ANK3: variants seen among roughly 807,000 people sequenced by gnomAD.
The protein encoded by ANK3 is ankyrin-3.
Under a neutral mutation model 370.9 loss-of-function variants are expected in ANK3, and 57 were observed. The ratio of observed to expected loss-of-function variants is 0.15; its 90% CI spans 0.12 to 0.19. The LOEUF is 0.19. Ranked by LOEUF, ANK3 falls within the 10% of genes least tolerant of loss-of-function variation. The pLI, the probability that ANK3 is intolerant of heterozygous loss-of-function variation, is 1.00. For missense variants in ANK3, 4,439 were observed against 5,302.1 expected (o/e 0.84, Z 5.06); for synonymous variants, 1,929 against 1,946.3 (o/e 0.99, Z 0.23).
intron 1 of ANK3, among the ~76,000 whole-genome samples, chr10:60,628,299 T>C (rs1273515969): frequency 2.0e-5 from 3 of 152,186 alleles, no homozygotes; most frequent in Admixed American, 1.3e-4. Flanking sequence ...CTGAAGCTAC[T>C]CTTTGCTAAA....
intron 7 of ANK3, among the ~76,000 whole-genome samples, chr10:60,248,949 A>T (rs1025256193): frequency 6.6e-6 from 1 of 152,236 alleles, no homozygotes; most frequent in Non-Finnish European, 1.5e-5. Context: ...AACAATTTCC[A>T]GCCAAAAGGA....
chr10:60,425,812 C>G (rs897367545), intron 2 of ANK3, among the ~76,000 whole-genome samples: 1 of 152,010 alleles, frequency 6.6e-6, no homozygotes, highest in East Asian at 1.9e-4. Context: ...TAGAGATAAC[C>G]AAGGGGTAAG....
intron 2 of ANK3, among the ~76,000 whole-genome samples, chr10:60,438,627 T>A (rs1481032661): frequency 3.3e-5 from 5 of 152,158 alleles, no homozygotes; most frequent in African/African-American, 9.6e-5. Flanking sequence ...ATGAAAAAAA[T>A]AAAAAGTTTC....
In ANK3 at chr10:60,071,512, C is replaced by T; in HGVS notation, c.9369G>A (p.Lys3123=). 1 of 1,614,078 alleles carries T rather than the reference C, an allele frequency of 6.2e-7. No homozygotes were observed. The highest frequency in any genetic ancestry group is 8.5e-7 in the Non-Finnish European group (1 of 1,179,978). Reference sequence around the variant, plus strand: ...AGGTCCCCCTGGTTTCTTGTACTGTCTTACATTCCTGACTTATGATTTTTT... The same window carrying T: ...AGGTCCCCCTGGTTTCTTGTACTGTTTTACATTCCTGACTTATGATTTTTT... The part of the protein sequence containing the change: ...GVKKIISQEC[K]TVQETRGTFY... Residue 3123 remains lysine, a synonymous_variant, in exon 37 of 44, where the codon AAG becomes AAA. Transcript: ENST00000280772.
At chr10:60,168,312 C>T (rs2095679148) in intron 21 of ANK3, among the ~76,000 whole-genome samples, 1 of 152,208 alleles carries the variant, frequency 6.6e-6, no homozygotes, top group South Asian at 2.1e-4. Context: ...AGGCATGAGC[C>T]ACCGCGCCTG....
intron 2 of ANK3, among the ~76,000 whole-genome samples, chr10:60,435,489 T>G (rs1448301055): frequency 6.6e-6 from 1 of 152,210 alleles, no homozygotes; most frequent in Admixed American, 6.5e-5. Context: ...AAAAATTATC[T>G]TTTTTCCTTA....
chr10:60,135,212 T>C (rs1450677862), intron 24 of ANK3, among the ~76,000 whole-genome samples: 1 of 152,224 alleles, frequency 6.6e-6, no homozygotes, highest in African/African-American at 2.4e-5. Context: ...AAGACCGGAA[T>C]TGAAGCTAAT....
At chr10:60,055,574 C>T in intron 42 of ANK3, 84 bp downstream of exon 42, 4 of 1,477,304 alleles carry the variant, frequency 2.7e-6, no homozygotes, top group East Asian at 2.3e-5. Flanking sequence ...AACCTTGGGC[C>T]CCCGGCTGCA....
At chr10:60,082,397 C>T in intron 34 of ANK3, 1 of 700,190 alleles carries the variant, frequency 1.4e-6, no homozygotes, top group Non-Finnish European at 2.3e-6. Flanking sequence ...CTATGCGCTA[C>T]CAGCAGAAGC....
intron 1 of ANK3, among the ~76,000 whole-genome samples, chr10:60,284,599 T>A (rs183918078): frequency 9.9e-5 from 15 of 152,268 alleles, no homozygotes; most frequent in Admixed American, 9.2e-4. Context: ...TTTCCATCAG[T>A]TCATCCATTT....
Position 60,240,304 on chromosome 10 carries a change from A to ATTTT in ANK3, c.799-5519_799-5518insAAAA, listed in dbSNP as rs1305756045. On this transcript the variant is annotated intron_variant, in intron 7 of 43. Transcript: ENST00000280772. Reference sequence around the variant, plus strand: ...CACATATATATATATATATATATATATATTTTTTTTTCTTTTTGAGATAGA... The same window carrying ATTTT: ...CACATATATATATATATATATATATATTTTTATTTTTTTTTCTTTTTGAGATAGA... Among the ~76,000 whole-genome samples the ATTTT allele has an allele frequency of 7.0e-4, 61 of 87,628 alleles. 2 individuals are homozygous for ATTTT. Among genetic ancestry groups the ATTTT allele is most frequent in the African/African-American group, 2.1e-3 (52 of 24,728 alleles). The allele number at this position is 87,628 out of a possible 152,430, so 57.5% of individuals were successfully genotyped here.
intron 14 of ANK3, among the ~76,000 whole-genome samples, chr10:60,197,911 A>G (rs2096612598): frequency 6.6e-6 from 1 of 152,252 alleles, no homozygotes; most frequent in Non-Finnish European, 1.5e-5. Flanking sequence ...GACACAAAAA[A>G]GAACAAGAAC....
chr10:60,620,747 G>C (rs189615161), intron 1 of ANK3, among the ~76,000 whole-genome samples: 1 of 152,068 alleles, frequency 6.6e-6, no homozygotes, highest in East Asian at 1.9e-4. Context: ...TTTGTATTTA[G>C]CAATAACGCT....
intron 2 of ANK3, chr10:60,508,600 C>G (rs1023228291): frequency 6.6e-5 from 10 of 152,638 alleles, no homozygotes; most frequent in African/African-American, 1.9e-4. Context: ...GCATAATAAG[C>G]AATGGCCAAT....
Position 60,072,099 on chromosome 10 carries a change from C to T in ANK3, c.8782G>A (p.Val2928Ile). 6.2e-7 allele frequency: 1 copy of T among 1,613,924 alleles called. No individual in the cohort carries two copies. Among genetic ancestry groups the T allele is most frequent in the South Asian group, 1.1e-5 (1 of 91,084 alleles). The change falls in exon 37 of 44, where the codon GTC becomes ATC. Residue 2928 changes from valine to isoleucine, a missense_variant. This residue lies in a region of ANK3 where 1,601 missense variants were observed against 1,731.7 expected (regional missense o/e 0.92). Transcript: ENST00000280772. The stretch of plus-strand genomic sequence containing the variant: ...TTCACAACATATTCCCTATATAAGA[C>T]TTTTTTGGAGGGAGATTTTACAGTC... ...EMTVKSPSKK[V>I]LYREYVVKEG...
At chr10:60,046,309 T>C (rs1033322179) in intron 42 of ANK3, among the ~76,000 whole-genome samples, 15 of 152,212 alleles carry the variant, frequency 9.9e-5, no homozygotes, top group Non-Finnish European at 1.0e-4. Context: ...ATGAAAGTTT[T>C]CCTTATAGCT....
chr10:60,275,360 T>C (rs770726272), intron 4 of ANK3, among the ~76,000 whole-genome samples: 1 of 152,172 alleles, frequency 6.6e-6, no homozygotes, highest in Non-Finnish European at 1.5e-5. Context: ...AGGCATGCTG[T>C]CTAATACACA....
At chr10:60,667,408 T>C (rs1319941098) in intron 1 of ANK3, among the ~76,000 whole-genome samples, 1 of 151,858 alleles carries the variant, frequency 6.6e-6, no homozygotes, top group African/African-American at 2.4e-5. Flanking sequence ...GTTATAGACA[T>C]TGAAATAAAA....
At chr10:60,544,100 C>A (rs1003899017) in intron 2 of ANK3, among the ~76,000 whole-genome samples, 1 of 152,058 alleles carries the variant, frequency 6.6e-6, no homozygotes, top group African/African-American at 2.4e-5. Context: ...ATGTTGTATG[C>A]TCAGAAATTT....
Sources: allele counts gnomAD v4.1 joint callset (sites outside exome capture counted in the v4.1 genomes callset), GRCh38; gene constraint gnomAD v4.1.1; regional missense constraint gnomAD v4.1.1; transcripts MANE v1.5; gene names NCBI Gene and HGNC (gene_info 2026-07-23, HGNC 2026-07-21).